ZNF534: variants seen among roughly 807,000 people sequenced by gnomAD.
ZNF534 encodes KRAB domain only 3.
Under a neutral mutation model 13.6 loss-of-function variants are expected in ZNF534, and 19 were observed. That is an observed-to-expected ratio of 1.40 (90% CI 0.97 to 2.05). The LOEUF (loss-of-function observed/expected upper bound fraction) is 2.05. ZNF534 is among the 30% of genes most tolerant of loss of function. The probability of loss-of-function intolerance (pLI) is 0.00; values close to 1 mark genes in which losing one functional copy is unlikely to be tolerated. For synonymous variants in ZNF534, 244 were observed against 273.8 expected, an observed-to-expected ratio of 0.89 and a Z score of 1.07; for missense variants, 782 against 796.3, an observed-to-expected ratio of 0.98 and a Z score of 0.22.
intron 1 of ZNF534, 148 bp from the exon 2 acceptor site, chr19:52,431,260 T>C: frequency 1.6e-6 from 1 of 631,510 alleles, no homozygotes; most frequent in Non-Finnish European, 2.8e-6. Context: ...AGTAAAAAAC[T>C]CACTTGTTGA....
In ZNF534 at chr19:52,439,610, T is replaced by G. The variant is rs2059158695; in HGVS notation, c.*164T>G. ...TACAAAAAAAAAAAAAAAAAAAAAA[T>G]TAGCTGGGTGTGGTGGCAGGCACCT... On this transcript the variant is annotated 3_prime_UTR_variant, in exon 5 of 5. Transcript: ENST00000433050. Among the ~76,000 whole-genome samples the G allele has an allele frequency of 8.0e-6, 1 of 124,302 alleles. No individual in the cohort carries two copies. The highest frequency in any genetic ancestry group is 1.7e-5 in the Non-Finnish European group (1 of 58,730). 81.5% of individuals were successfully genotyped at this position (124,302 alleles called of 152,430 possible). A position where few individuals can be genotyped will look rare whatever the true frequency, so the allele number is the denominator to read the frequency against.
chr19:52,443,326 C>T (rs2059183142), downstream of ZNF534, among the ~76,000 whole-genome samples: 1 of 152,092 alleles, frequency 6.6e-6, no homozygotes, highest in South Asian at 2.1e-4. Context: ...GAAAGTTTTC[C>T]TCAGTTATTA....
At chr19:52,434,878 G>C (rs2434459) in intron 3 of ZNF534, among the ~76,000 whole-genome samples, 138,264 of 152,238 alleles carry the variant, frequency 0.91, 63,161 homozygotes, top group Non-Finnish European at 0.96. Flanking sequence ...CTACCCATGT[G>C]CTTTTGATTC....
At chr19:52,452,120 G>C (rs969564905) in exon 5 of ZNF534, 2 of 163,992 alleles carry the variant, frequency 1.2e-5, no homozygotes, top group Admixed American at 1.3e-4. Flanking sequence ...GCATTTCTTT[G>C]TGTTTGGATC....
chr19:52,443,938 T>G (rs981727643), downstream of ZNF534, among the ~76,000 whole-genome samples: 2 of 152,124 alleles, frequency 1.3e-5, no homozygotes, highest in Non-Finnish European at 2.9e-5. Context: ...TATTGTATCA[T>G]TTTATTTCTC....
intron 4 of ZNF534, among the ~76,000 whole-genome samples, chr19:52,450,500 T>C (rs1182967985): frequency 1.3e-5 from 2 of 152,022 alleles, no homozygotes; most frequent in Non-Finnish European, 2.9e-5. Context: ...CTCTATTCTG[T>C]TCTGTTGCTC....
intron 2 of ZNF534, 40 bp from the exon 3 acceptor site, chr19:52,433,915 C>T (rs1397017367): frequency 2.5e-6 from 4 of 1,611,752 alleles, no homozygotes; most frequent in Non-Finnish European, 3.4e-6. Context: ...GATAAGTACT[C>T]TCTCCATACC....
At chr19:52,443,363 G>A (rs1599871000), downstream of ZNF534, among the ~76,000 whole-genome samples, 1 of 152,098 alleles carries the variant, frequency 6.6e-6, no homozygotes, top group African/African-American at 2.4e-5. Context: ...TAAACTTTTA[G>A]ATTTCTCATC....
At chr19:52,444,027 A>G (rs1370780139), downstream of ZNF534, among the ~76,000 whole-genome samples, 1 of 151,948 alleles carries the variant, frequency 6.6e-6, no homozygotes, top group Non-Finnish European at 1.5e-5. Flanking sequence ...CTTGGTTTGT[A>G]TCCATTGCTA....
At position 52,434,077 on chromosome 19, in the gene ZNF534, C is replaced by G; in HGVS notation, c.138C>G (p.Ser46=). Reference sequence around the variant, plus strand: ...TAGAGAACTACAGGAACCTGGTCTCCCTAGGTGAGGATAATGTCCGTCCAG... The same window carrying G: ...TAGAGAACTACAGGAACCTGGTCTCGCTAGGTGAGGATAATGTCCGTCCAG... The part of the protein sequence containing the change: ...VMLENYRNLV[S]LGICLPDLSV... The change falls in exon 3 of 5, where the codon TCC becomes TCG. Residue 46 remains serine, a synonymous_variant. Coordinates refer to ENST00000433050, the MANE Select transcript of ZNF534 (RefSeq NM_001143938.3). The G allele has an allele frequency of 6.2e-7, 1 of 1,613,592 alleles. No individual in the cohort carries two copies. The highest frequency in any genetic ancestry group is 8.5e-7 in the Non-Finnish European group (1 of 1,179,862).
chr19:52,438,652 G>A lies in ZNF534; in HGVS notation c.1192G>A (p.Ala398Thr), dbSNP rs1328604747. The part of the protein sequence containing the change: ...GKVFIGNSRL[A>T]RHRKIHTGGR... ...GGTCTTTATTGGCAATTCACGCCTT[G>A]CACGACATAGGAAAATTCATACTGG... Residue 398 changes from alanine (A) to threonine (T), a missense_variant, in exon 5 of 5, where the codon GCA (alanine) becomes ACA (threonine). Transcript: ENST00000433050. 5.7e-6 allele frequency: 9 copies of A among 1,583,884 alleles called. No individual in the cohort carries two copies. The highest frequency in any genetic ancestry group is 6.9e-6 in the Non-Finnish European group (8 of 1,164,016).
At chr19:52,442,863 A>T (rs1200943065), downstream of ZNF534, among the ~76,000 whole-genome samples, 1 of 152,248 alleles carries the variant, frequency 6.6e-6, no homozygotes, top group Non-Finnish European at 1.5e-5. Flanking sequence ...TGGGTAGAGA[A>T]TAACATAAAA....
At chr19:52,444,652 C>G (rs2059187895), downstream of ZNF534, among the ~76,000 whole-genome samples, 1 of 151,902 alleles carries the variant, frequency 6.6e-6, no homozygotes, top group Non-Finnish European at 1.5e-5. Flanking sequence ...TGAGCTCAGA[C>G]TCTCCTTGGC....
chr19:52,432,227 TTA>T (rs532913016), intron 2 of ZNF534, among the ~76,000 whole-genome samples: 1 of 152,212 alleles, frequency 6.6e-6, no homozygotes, highest in African/African-American at 2.4e-5. Flanking sequence ...GGGATATCGA[TTA>T]TATATATGCA....
At chr19:52,437,638 A>G (rs1568444116) in intron 4 of ZNF534, 94 bp from the exon 5 acceptor site, 2 of 1,233,550 alleles carry the variant, frequency 1.6e-6, no homozygotes, top group East Asian at 2.5e-5. Context: ...GATAATTTCA[A>G]TGTCTGAGTG....
At position 52,437,853 on chromosome 19, in the gene ZNF534, A is replaced by G; in HGVS notation, c.393A>G (p.Gly131=). The change falls in exon 5 of 5, where the codon GGA becomes GGG. Residue 131 remains glycine (G), a synonymous_variant. Coordinates refer to ENST00000433050, the MANE Select transcript of ZNF534 (RefSeq NM_001143938.3). ...QPFQAVRNIY[G]CKHVEKSISD... is the part of the protein sequence containing the mutation. ...TTCAAGCTGTAAGGAATATTTATGG[A>G]TGTAAGCATGTTGAGAAATCTATCA... 1 of 1,613,842 alleles carries G rather than the reference A, an allele frequency of 6.2e-7. No homozygotes were observed. Among genetic ancestry groups the G allele is most frequent in the African/African-American group, 1.3e-5 (1 of 75,068 alleles).
chr19:52,450,955 G>A (rs1346425502), intron 4 of ZNF534, among the ~76,000 whole-genome samples: 2 of 151,918 alleles, frequency 1.3e-5, no homozygotes, highest in African/African-American at 4.8e-5. Context: ...CAAAGTGCTG[G>A]AATTACAGGC....
At chr19:52,451,149 C>T (rs2059213089) in intron 4 of ZNF534, 1 of 620,634 alleles carries the variant, frequency 1.6e-6, no homozygotes, top group Non-Finnish European at 2.9e-6. Flanking sequence ...GTAACCTTTC[C>T]ACTTCTTTCA....
At chr19:52,445,941 T>C (rs190347039), downstream of ZNF534, among the ~76,000 whole-genome samples, 16 of 152,326 alleles carry the variant, frequency 1.1e-4, no homozygotes, top group Admixed American at 3.9e-4. Context: ...ACAGGGAATA[T>C]ATAAATGAAA....
Sources: allele counts gnomAD v4.1 joint callset (sites outside exome capture counted in the v4.1 genomes callset), GRCh38; gene constraint gnomAD v4.1.1; transcripts MANE v1.5; gene names NCBI Gene and HGNC (gene_info 2026-07-23, HGNC 2026-07-21).